Variants in PBX1 observed in about 807,000 individuals in gnomAD.
PBX1 encodes the protein pre-B-cell leukemia transcription factor 1.
Under a neutral mutation model 53.4 loss-of-function variants are expected in PBX1, and 6 were observed. That is an observed-to-expected ratio of 0.11 (90% CI 0.06 to 0.22). PBX1 has a LOEUF of 0.22. PBX1 is among the 10% of genes least tolerant of loss of function. The probability of loss-of-function intolerance (pLI) is 1.00; values close to 1 mark genes in which losing one functional copy is unlikely to be tolerated. For missense variants in PBX1, 251 were observed against 551.4 expected, an observed-to-expected ratio of 0.46 and a Z score of 5.46; for synonymous variants, 204 against 212.3, an observed-to-expected ratio of 0.96 and a Z score of 0.34.
At chr1:164,686,119 G>A (rs182455514) in intron 2 of PBX1, among the ~76,000 whole-genome samples, 1 of 152,262 alleles carries the variant, frequency 6.6e-6, no homozygotes, top group African/African-American at 2.4e-5. Flanking sequence ...CCTACAGGGC[G>A]GGGAACTTAC....
intron 2 of PBX1, among the ~76,000 whole-genome samples, chr1:164,628,065 A>C (rs1658160175): frequency 6.6e-6 from 1 of 152,216 alleles, no homozygotes; most frequent in South Asian, 2.1e-4. Context: ...CACAGTGCTC[A>C]GTGAAATCCC....
intron 2 of PBX1, among the ~76,000 whole-genome samples, chr1:164,602,360 C>T (rs968145362): frequency 1.6e-4 from 24 of 152,346 alleles, no homozygotes; most frequent in African/African-American, 5.5e-4. Flanking sequence ...GCGACATTCT[C>T]TTAATCCTTT....
In PBX1 at chr1:164,727,505, T is replaced by C. The variant is rs114916164; in HGVS notation, c.266-64989T>C. 4.4e-3 allele frequency among the ~76,000 whole-genome samples: 665 copies of C among 152,338 alleles called. 9 individuals carry two copies. The highest frequency in any genetic ancestry group is 0.015 in the African/African-American group (630 of 41,580). On this transcript the variant is annotated intron_variant, in intron 2 of 8. Transcript: ENST00000420696. ...TTTGGGGTATGTCTTCTCTTTTGCC[T>C]CATCCACTTGCCAGGTAGCAGTGGC...
At chr1:164,735,281 A>G (rs1424694872) in intron 2 of PBX1, among the ~76,000 whole-genome samples, 1 of 152,252 alleles carries the variant, frequency 6.6e-6, no homozygotes, top group Non-Finnish European at 1.5e-5. Flanking sequence ...CATAATTTAT[A>G]TATGAGATTA....
At chr1:164,799,361 G>A (rs2102318233) in intron 3 of PBX1, among the ~76,000 whole-genome samples, 1 of 152,108 alleles carries the variant, frequency 6.6e-6, no homozygotes. Flanking sequence ...CGTGGTGGCG[G>A]GCGCCTGTAG....
chr1:164,849,491 G>A lies in PBX1; in HGVS notation c.*2815G>A. On this transcript the variant is annotated 3_prime_UTR_variant, in exon 9 of 9. Coordinates refer to ENST00000420696, the MANE Select transcript of PBX1 (RefSeq NM_002585.4). ...ATGCCTCTGGAAACACAGCTTCCTG[G>A]GAATTCACATGAGGCCAGTCCTACA... The A allele has an allele frequency of 6.6e-7, 1 of 1,526,186 alleles. No homozygotes were observed. 94.5% of individuals were successfully genotyped at this position (1,526,186 alleles called of 1,614,324 possible). A position where few individuals can be genotyped will look rare whatever the true frequency, so the allele number is the denominator to read the frequency against.
intron 2 of PBX1, among the ~76,000 whole-genome samples, chr1:164,868,925 C>T (rs1672283524): frequency 6.6e-6 from 1 of 152,212 alleles, no homozygotes; most frequent in Non-Finnish European, 1.5e-5. Flanking sequence ...GTTTCCTCAT[C>T]AGAGTCAGTG....
At chr1:164,823,634 A>C in intron 8 of PBX1, among the ~76,000 whole-genome samples, 1 of 150,502 alleles carries the variant, frequency 6.6e-6, no homozygotes, top group Admixed American at 6.6e-5. Context: ...GGGGGTCAAC[A>C]CTGACCCCTC....
intron 2 of PBX1, among the ~76,000 whole-genome samples, chr1:164,736,826 C>G (rs1161492827): frequency 6.6e-6 from 1 of 152,142 alleles, no homozygotes; most frequent in Non-Finnish European, 1.5e-5. Context: ...TACTGTGTTT[C>G]TTATTGTCTA....
At chr1:164,710,880 AGT>A (rs1373273312) in intron 2 of PBX1, among the ~76,000 whole-genome samples, 13 of 152,308 alleles carry the variant, frequency 8.5e-5, no homozygotes, top group Non-Finnish European at 1.0e-4. Context: ...GGGATGACTA[AGT>A]GCAAGGCAGG....
intron 2 of PBX1, among the ~76,000 whole-genome samples, chr1:164,624,613 T>C (rs970418037): frequency 2.6e-5 from 4 of 152,248 alleles, no homozygotes; most frequent in Non-Finnish European, 5.9e-5. Flanking sequence ...AATAATGTCA[T>C]GGACACACAT....
At chr1:164,573,991 A>G (rs189209987) in intron 2 of PBX1, among the ~76,000 whole-genome samples, 2 of 152,328 alleles carry the variant, frequency 1.3e-5, no homozygotes, top group African/African-American at 2.4e-5. Context: ...TTCTGTAGCA[A>G]TTGAAATTGT....
chr1:164,799,200 A>T (rs1293171308), intron 3 of PBX1, among the ~76,000 whole-genome samples: 1 of 152,216 alleles, frequency 6.6e-6, no homozygotes, highest in East Asian at 1.9e-4. Context: ...AAAAAAATCC[A>T]GCATTATCAG....
At chr1:164,823,491 C>A (rs546276970) in intron 8 of PBX1, among the ~76,000 whole-genome samples, 1 of 151,044 alleles carries the variant, frequency 6.6e-6, no homozygotes, top group South Asian at 2.1e-4. Context: ...TGGCCATACT[C>A]AAAAGGAACT....
At chr1:164,800,295 C>G (rs566422112) in intron 4 of PBX1, among the ~76,000 whole-genome samples, 2 of 152,274 alleles carry the variant, frequency 1.3e-5, no homozygotes, top group East Asian at 3.9e-4. Flanking sequence ...CTTTTCCACA[C>G]TGTAGATGGA....
intron 2 of PBX1, among the ~76,000 whole-genome samples, chr1:164,599,231 T>C (rs951299723): frequency 6.6e-6 from 1 of 151,896 alleles, no homozygotes; most frequent in African/African-American, 2.4e-5. Context: ...TTCTAAATTG[T>C]GTAATTCTTT....
At chr1:164,652,341 C>T (rs1207057595) in intron 2 of PBX1, among the ~76,000 whole-genome samples, 3 of 152,144 alleles carry the variant, frequency 2.0e-5, no homozygotes, top group Non-Finnish European at 4.4e-5. Context: ...ATTTTCCTCC[C>T]CTCACTCCAC....
intron 2 of PBX1, among the ~76,000 whole-genome samples, chr1:164,672,971 C>T (rs140625368): frequency 6.6e-6 from 1 of 152,178 alleles, no homozygotes; most frequent in East Asian, 1.9e-4. Context: ...ATTTCTCCTG[C>T]TATCTTAAAG....
At chr1:164,765,493 G>A (rs1328784474) in intron 2 of PBX1, among the ~76,000 whole-genome samples, 1 of 152,228 alleles carries the variant, frequency 6.6e-6, no homozygotes, top group Non-Finnish European at 1.5e-5. Flanking sequence ...GCAGGAAAAA[G>A]CAAACAGCTG....
Sources: allele counts gnomAD v4.1 joint callset (sites outside exome capture counted in the v4.1 genomes callset), GRCh38; gene constraint gnomAD v4.1.1; transcripts MANE v1.5; gene names NCBI Gene and HGNC (gene_info 2026-07-23, HGNC 2026-07-21).